Variants in SRP54 observed in about 807,000 individuals in gnomAD.
The protein encoded by SRP54 is signal recognition particle 54.
SRP54 carries 10 observed loss-of-function variants against 64.8 expected under a neutral mutation model. The observed-to-expected ratio is 0.15, with a 90% CI of 0.10 to 0.26. The LOEUF (loss-of-function observed/expected upper bound fraction) is 0.26. Among genes scored for constraint, SRP54 ranks in the 10% least tolerant of loss-of-function variants. The pLI is 1.00. For missense variants in SRP54, 325 were observed against 613.7 expected, an observed-to-expected ratio of 0.53 and a Z score of 4.97; for synonymous variants, 193 against 185.6, an observed-to-expected ratio of 1.04 and a Z score of -0.32.
chr14:34,988,578 A>AAAAAAAAAAATATATATAT (rs1384552218), intron 1 of SRP54, among the ~76,000 whole-genome samples: 1 of 47,102 alleles, frequency 2.1e-5, no homozygotes, highest in African/African-American at 6.7e-5. Context: ...AAAAAAAAAA[A>AAAAAAAAAAATATATATAT]ATATATATAT....
chr14:35,002,051 A>G (rs1337365701), intron 4 of SRP54, among the ~76,000 whole-genome samples: 1 of 151,554 alleles, frequency 6.6e-6, no homozygotes, highest in Admixed American at 6.6e-5. Flanking sequence ...AAAAAAAAAA[A>G]TTGATAAAAA....
At chr14:35,002,998 G>A (rs1437324357) in intron 4 of SRP54, among the ~76,000 whole-genome samples, 1 of 151,094 alleles carries the variant, frequency 6.6e-6, no homozygotes, top group Non-Finnish European at 1.5e-5. Flanking sequence ...CACCTGCCTT[G>A]GCCTCCCAAA....
intron 1 of SRP54, among the ~76,000 whole-genome samples, chr14:34,986,991 G>A (rs980421719): frequency 1.3e-5 from 2 of 151,802 alleles, no homozygotes; most frequent in African/African-American, 4.8e-5. Flanking sequence ...CCAACACTTT[G>A]GGAGGCCAAG....
intron 7 of SRP54, among the ~76,000 whole-genome samples, chr14:35,011,122 C>T (rs1218299976): frequency 3.3e-5 from 5 of 151,844 alleles, no homozygotes; most frequent in African/African-American, 1.2e-4. Context: ...TGGAATCTCA[C>T]TATATTGCTC....
chr14:35,020,482 C>T (rs2044511344), intron 13 of SRP54, among the ~76,000 whole-genome samples: 1 of 152,222 alleles, frequency 6.6e-6, no homozygotes, highest in Non-Finnish European at 1.5e-5. Flanking sequence ...GGAGTCAGTT[C>T]TGTCAAACCC....
chr14:35,027,254 T>G (rs1480285995), intron 14 of SRP54, among the ~76,000 whole-genome samples: 1 of 151,310 alleles, frequency 6.6e-6, no homozygotes, highest in Admixed American at 6.6e-5. Context: ...GGTCTCGAAC[T>G]CCTGACCTCA....
At position 35,007,263 on chromosome 14, in the gene SRP54, A is replaced by C; in HGVS notation, c.256-20A>C. The C allele has an allele frequency of 6.6e-7, 1 of 1,503,854 alleles. No homozygotes were observed. The highest frequency in any genetic ancestry group is 1.4e-5 in the African/African-American group (1 of 72,306). 93.2% of individuals were successfully genotyped at this position (1,503,854 alleles called of 1,614,324 possible). A position where few individuals can be genotyped will look rare whatever the true frequency, so the allele number is the denominator to read the frequency against. ...TGTATGTTAACCTGATTTTATTTTT[A>C]ATTTATTTTTGGTATTTAGCTTGTA... On this transcript the variant is annotated intron_variant, in intron 4 of 15. Coordinates refer to ENST00000216774, the MANE Select transcript of SRP54 (RefSeq NM_003136.4).
chr14:35,021,427 C>T (rs946622438), intron 13 of SRP54, among the ~76,000 whole-genome samples: 2 of 151,974 alleles, frequency 1.3e-5, no homozygotes, highest in Non-Finnish European at 2.9e-5. Flanking sequence ...GTCAGGAGTT[C>T]GAGACCAGCC....
intron 1 of SRP54, among the ~76,000 whole-genome samples, chr14:34,995,640 G>A (rs1446103527): frequency 6.6e-6 from 1 of 152,138 alleles, no homozygotes; most frequent in Non-Finnish European, 1.5e-5. Context: ...TTATAAAACA[G>A]TAAGATTTTA....
Position 35,029,343 on chromosome 14 carries a change from A to T in SRP54, c.*191A>T. ...TTCTTTCCTCCCTTTAATATAAGGG[A>T]GAAATACATGGTTTTTGTGGAAATC... is the stretch of plus-strand genomic sequence containing the variant. On this transcript the variant is annotated 3_prime_UTR_variant, in exon 16 of 16. Transcript: ENST00000216774. 2 of 444,486 alleles carry T rather than the reference A, an allele frequency of 4.5e-6. No individual in the cohort carries two copies. The highest frequency in any genetic ancestry group is 8.0e-6 in the Non-Finnish European group (2 of 251,032). The allele number at this position is 444,486 out of a possible 1,614,324, so 27.5% of individuals were successfully genotyped here. A position where few individuals can be genotyped will look rare whatever the true frequency, so the allele number is the denominator to read the frequency against.
At chr14:34,989,049 AT>A (rs2043946994) in intron 1 of SRP54, among the ~76,000 whole-genome samples, 1 of 151,958 alleles carries the variant, frequency 6.6e-6, no homozygotes, top group African/African-American at 2.4e-5. Flanking sequence ...TAGAGACACA[AT>A]TTTTTTTCTG....
chr14:35,016,840 CTT>C lies in SRP54; in HGVS notation c.974-1849_974-1848del, dbSNP rs145307640. ...GCCTGTCTCTTTGCCCCTTTTTTTT[CTT>C]TTCTTTTTTTTTTTTTTTCTTCTTT... is the stretch of plus-strand genomic sequence containing the variant. On this transcript the variant is annotated intron_variant, in intron 11 of 15. Coordinates refer to ENST00000216774, the MANE Select transcript of SRP54 (RefSeq NM_003136.4). 1.1e-4 allele frequency among the ~76,000 whole-genome samples: 8 copies of C among 71,614 alleles called. 1 individual carries two copies. Among genetic ancestry groups the C allele is most frequent in the Non-Finnish European group, 2.4e-4 (8 of 33,188 alleles). The allele number at this position is 71,614 out of a possible 152,430, so 47.0% of individuals were successfully genotyped here.
chr14:35,017,369 A>G (rs996485095), intron 11 of SRP54, among the ~76,000 whole-genome samples: 3 of 152,080 alleles, frequency 2.0e-5, no homozygotes, highest in African/African-American at 4.8e-5. Context: ...CTTGGTTCCT[A>G]ATATTTAAGT....
Position 35,023,014 on chromosome 14 carries a change from T to C in SRP54, c.1261T>C (p.Leu421=), listed in dbSNP as rs1214379216. 6.2e-7 allele frequency: 1 copy of C among 1,613,918 alleles called. No individual in the cohort carries two copies. Among genetic ancestry groups the C allele is most frequent in the Non-Finnish European group, 8.5e-7 (1 of 1,179,924 alleles). Residue 421 remains leucine (L), a synonymous_variant, in exon 14 of 16, where the codon TTG becomes CTG. Coordinates refer to ENST00000216774, the MANE Select transcript of SRP54 (RefSeq NM_003136.4). ...ATCAACAAGAGATGTTCAAGAACTT[T>C]TGACACAATATACCAAGTTTGCACA... The part of the protein sequence containing the change: ...GVSTRDVQEL[L]TQYTKFAQMV...
In SRP54 at chr14:34,988,578, A is replaced by AAAAAAAAAATATATAT. The variant is rs1384552218; in HGVS notation, c.-34+5364_-34+5365insAAAAAAAATATATATA. Among the ~76,000 whole-genome samples, 26 of 46,962 alleles carry AAAAAAAAAATATATAT rather than the reference A, an allele frequency of 5.5e-4. 4 individuals carry two copies. Among genetic ancestry groups the AAAAAAAAAATATATAT allele is most frequent in the Non-Finnish European group, 1.1e-3 (23 of 20,754 alleles). The allele number at this position is 46,962 out of a possible 152,430, so 30.8% of individuals were successfully genotyped here. A position where few individuals can be genotyped will look rare whatever the true frequency, so the allele number is the denominator to read the frequency against. On this transcript the variant is annotated intron_variant, in intron 1 of 15. Coordinates refer to ENST00000216774, the MANE Select transcript of SRP54 (RefSeq NM_003136.4). ...TCCATCTCAAAAAAAAAAAAAAAAA[A>AAAAAAAAAATATATAT]ATATATATATATATATAACATATAT...
rs1009867102 is a variant in SRP54 at position 34,983,025 on chromosome 14, C to T, written c.-224C>T. 16 of 152,384 alleles carry T rather than the reference C, an allele frequency of 1.0e-4. No homozygotes were observed. Among genetic ancestry groups the T allele is most frequent in the Non-Finnish European group, 4.4e-5 (3 of 68,186 alleles). The allele number at this position is 152,384 out of a possible 1,614,324, so 9.4% of individuals were successfully genotyped here. On this transcript the variant is annotated 5_prime_UTR_variant, in exon 1 of 16. Coordinates refer to ENST00000216774, the MANE Select transcript of SRP54 (RefSeq NM_003136.4). ...GAAGGTTCGCTGGCACTCCGTTGGT[C>T]TTCCAGCTGGTGGGAGTTGACGACG...
intron 11 of SRP54, among the ~76,000 whole-genome samples, chr14:35,017,454 T>A (rs1039310687): frequency 2.6e-5 from 4 of 152,240 alleles, no homozygotes; most frequent in Admixed American, 6.5e-5. Context: ...GCTTTAATTA[T>A]CACTTCTGTA....
At position 34,999,635 on chromosome 14, in the gene SRP54, A is replaced by G. The variant is rs1238882536; in HGVS notation, c.156A>G (p.Leu52=). The G allele has an allele frequency of 1.2e-6, 2 of 1,612,184 alleles. No homozygotes were observed. The highest frequency in any genetic ancestry group is 1.7e-6 in the Non-Finnish European group (2 of 1,178,428). ...TTAATATTAAACTAGTGAAGCAACTAAGAGAAAATGTTAAGTAAGTTAAAT... is the reference window on the plus strand; with the variant it reads ...TTAATATTAAACTAGTGAAGCAACTGAGAGAAAATGTTAAGTAAGTTAAAT... ...ADVNIKLVKQ[L]RENVKSAIDL... is the part of the protein sequence containing the mutation. The change falls in exon 3 of 16, where the codon CTA becomes CTG. Residue 52 remains leucine, a synonymous_variant. Coordinates refer to ENST00000216774, the MANE Select transcript of SRP54 (RefSeq NM_003136.4).
intron 2 of SRP54, among the ~76,000 whole-genome samples, chr14:34,998,156 G>T (rs1487252984): frequency 6.6e-6 from 1 of 152,118 alleles, no homozygotes; most frequent in African/African-American, 2.4e-5. Flanking sequence ...TATGAAGTGA[G>T]TTGAAGGAGA....
Sources: gnomAD v4.1 joint callset for allele counts (sites outside exome capture counted in the v4.1 genomes callset) on GRCh38, gnomAD v4.1.1 for gene constraint, MANE v1.5 for transcripts, NCBI Gene and HGNC (gene_info 2026-07-23, HGNC 2026-07-21) for gene names.